RGMB: variants seen among roughly 807,000 people sequenced by gnomAD.
The protein encoded by RGMB is repulsive guidance molecule B.
RGMB carries 16 observed loss-of-function variants against 26.9 expected under a neutral mutation model. The observed-to-expected ratio is 0.60, with a 90% CI of 0.40 to 0.90. The LOEUF (loss-of-function observed/expected upper bound fraction) is 0.90. Ranked by LOEUF, RGMB falls within the 40% of genes least tolerant of loss-of-function variation. RGMB has a pLI of 0.00. For synonymous variants in RGMB, 225 were observed against 229.3 expected (o/e 0.98, Z 0.17); for missense variants, 512 against 573.3 (o/e 0.89, Z 1.09).
rs1235821172 is a variant in RGMB at position 98,773,899 on chromosome 5, G to A, written c.-172G>A. The A allele has an allele frequency of 7.6e-6, 4 of 526,078 alleles. No homozygotes were observed. The highest frequency in any genetic ancestry group is 4.2e-5 in the Admixed American group (1 of 23,910). The allele number at this position is 526,078 out of a possible 1,614,324, so 32.6% of individuals were successfully genotyped here. A position where few individuals can be genotyped will look rare whatever the true frequency, so the allele number is the denominator to read the frequency against. On this transcript the variant is annotated 5_prime_UTR_variant, in exon 1 of 3. Coordinates refer to ENST00000513185, the MANE Select transcript of RGMB (RefSeq NM_001366508.1). Reference sequence around the variant, plus strand: ...CCGCCGCGGACTGGCTGCGCCGGCTGCGCGCTGCTTGCTGCGGCGGTGGTG... The same window carrying A: ...CCGCCGCGGACTGGCTGCGCCGGCTACGCGCTGCTTGCTGCGGCGGTGGTG...
intron 1 of RGMB, among the ~76,000 whole-genome samples, chr5:98,774,679 A>G (rs1746335323): frequency 6.6e-6 from 1 of 152,198 alleles, no homozygotes. Flanking sequence ...CACCAGATGG[A>G]AAGATTTTTA....
chr5:98,774,245 C>T, intron 1 of RGMB, 39 bp downstream of exon 1: 1 of 1,362,150 alleles, frequency 7.3e-7, no homozygotes, highest in South Asian at 1.7e-5. Flanking sequence ...GCCCCGGGGC[C>T]TAGGGCTTTG....
At chr5:98,781,000 A>G (rs1225606719) in intron 2 of RGMB, 1 of 152,182 alleles carries the variant, frequency 6.6e-6, no homozygotes, top group Non-Finnish European at 1.5e-5. Context: ...CACATAGACC[A>G]TCTCATCTTA....
chr5:98,780,007 A>C lies in RGMB; in HGVS notation c.564A>C (p.Pro188=). The C allele has an allele frequency of 1.9e-6, 3 of 1,613,944 alleles. No individual in the cohort carries two copies. In the South Asian group the frequency reaches 3.3e-5, roughly 18 times the overall value. Residue 188 remains proline, a synonymous_variant, in exon 2 of 3, where the codon CCA becomes CCC. Transcript: ENST00000513185. ...CATGCAAAGTAGAAGGGGCCTGGCCACTCATAGATAATAATTATCTTTCAG... is the reference window on the plus strand; with the variant it reads ...CATGCAAAGTAGAAGGGGCCTGGCCCCTCATAGATAATAATTATCTTTCAG... ...FQTCKVEGAW[P]LIDNNYLSVQ... is the part of the protein sequence containing the mutation.
chr5:98,791,776 TATC>T (rs1746938400), intron 2 of RGMB, among the ~76,000 whole-genome samples: 2 of 152,168 alleles, frequency 1.3e-5, no homozygotes, highest in Admixed American at 1.3e-4. Context: ...GCCCCTGTCT[TATC>T]ATAGTTGTCT....
At chr5:98,773,204 A>C (rs1324847038), upstream of RGMB, 1 of 152,110 alleles carries the variant, frequency 6.6e-6, no homozygotes, top group Non-Finnish European at 1.5e-5. Context: ...GTGGAGCTGA[A>C]GCTGGCAGGG....
intron 1 of RGMB, among the ~76,000 whole-genome samples, chr5:98,776,914 C>T (rs754998015): frequency 6.6e-6 from 1 of 152,166 alleles, no homozygotes; most frequent in Non-Finnish European, 1.5e-5. Flanking sequence ...TGGAGAAACC[C>T]TGTCTCTACT....
chr5:98,789,382 A>T (rs1746856182), intron 2 of RGMB, among the ~76,000 whole-genome samples: 1 of 152,230 alleles, frequency 6.6e-6, no homozygotes, highest in African/African-American at 2.4e-5. Context: ...GCATTTTGCA[A>T]GGCTGCTGTG....
rs570060657 is a variant in RGMB at position 98,793,494 on chromosome 5, A to C, written c.1055A>C (p.Glu352Ala). 2.5e-6 allele frequency: 4 copies of C among 1,613,656 alleles called. No homozygotes were observed. Among genetic ancestry groups the C allele is most frequent in the Non-Finnish European group, 3.4e-6 (4 of 1,179,768 alleles). The change falls in exon 3 of 3, where the codon GAG becomes GCG. Residue 352 changes from glutamate to alanine, a missense_variant. By Grantham distance (107) the Glu-to-Ala change is moderately radical. Coordinates refer to ENST00000513185, the MANE Select transcript of RGMB (RefSeq NM_001366508.1). ...LVQAWPGYTLETANTQCHEKM... is the reference protein window; with the variant it reads ...LVQAWPGYTLATANTQCHEKM... ...CAGGCCTGGCCTGGCTACACACTGG[A>C]GACTGCCAACACTCAATGCCATGAG...
chr5:98,796,333 A>AGC lies in RGMB; in HGVS notation c.*2581_*2582dup. 3 of 96,480 alleles carry AGC rather than the reference A, an allele frequency of 3.1e-5. No homozygotes were observed. Among genetic ancestry groups the AGC allele is most frequent in the Non-Finnish European group, 6.1e-5 (3 of 49,550 alleles). The allele number at this position is 96,480 out of a possible 1,614,324, so 6.0% of individuals were successfully genotyped here. A position where few individuals can be genotyped will look rare whatever the true frequency, so the allele number is the denominator to read the frequency against. On this transcript the variant is annotated 3_prime_UTR_variant, in exon 3 of 3. Transcript: ENST00000513185. The stretch of plus-strand genomic sequence containing the variant: ...TTTTGTCCTCTTTGTTATGCTTGGA[A>AGC]GCTCCCCCCCCCCCAACAGTGTGTC...
chr5:98,782,548 C>G (rs1466217814), intron 2 of RGMB, among the ~76,000 whole-genome samples: 1 of 152,148 alleles, frequency 6.6e-6, no homozygotes, highest in African/African-American at 2.4e-5. Flanking sequence ...TGTTGGGTAA[C>G]CTAGTACTGT....
At chr5:98,769,035 G>A (rs995381825), upstream of RGMB, among the ~76,000 whole-genome samples, 1 of 152,204 alleles carries the variant, frequency 6.6e-6, no homozygotes, top group Non-Finnish European at 1.5e-5. Context: ...GCGGGTGGGC[G>A]AAGGCAGCGC....
rs962033526 is a variant in RGMB, at chr5:98,794,538, C to T, written c.*785C>T. On this transcript the variant is annotated 3_prime_UTR_variant, in exon 3 of 3. Coordinates refer to ENST00000513185, the MANE Select transcript of RGMB (RefSeq NM_001366508.1). ...TCTCAGTAACTCCTAGACTTTTTCT[C>T]ATCCCATGCCCCGTTTTAAATTGTC... 3.3e-5 allele frequency: 5 copies of T among 152,192 alleles called. No individual in the cohort carries two copies. Among genetic ancestry groups the T allele is most frequent in the African/African-American group, 1.2e-4 (5 of 41,456 alleles). The allele number at this position is 152,192 out of a possible 1,614,324, so 9.4% of individuals were successfully genotyped here.
chr5:98,772,229 C>T (rs191286527), upstream of RGMB, among the ~76,000 whole-genome samples: 116 of 152,156 alleles, frequency 7.6e-4, no homozygotes, highest in African/African-American at 2.7e-3. Flanking sequence ...GTGTGTTTAC[C>T]CCTTAAGTCA....
intron 2 of RGMB, among the ~76,000 whole-genome samples, chr5:98,790,849 A>G (rs1466727408): frequency 6.6e-6 from 1 of 152,232 alleles, no homozygotes; most frequent in Non-Finnish European, 1.5e-5. Context: ...TAGATGTTAC[A>G]GGTGAAAATG....
chr5:98,793,025 G>A (rs1023246895), intron 2 of RGMB, 60 bp from the exon 3 acceptor site: 4 of 1,388,578 alleles, frequency 2.9e-6, no homozygotes, highest in African/African-American at 1.4e-5. Context: ...TGCTACAGAG[G>A]GTTACCCCGT....
chr5:98,773,478 CG>C (rs1361539086), upstream of RGMB: 1 of 157,610 alleles, frequency 6.3e-6, no homozygotes, highest in Admixed American at 6.5e-5. Context: ...TTACACTGAG[CG>C]GGCGGGGGAG....
intron 1 of RGMB, among the ~76,000 whole-genome samples, chr5:98,777,418 A>G (rs773876059): frequency 6.6e-6 from 1 of 151,966 alleles, no homozygotes; most frequent in African/African-American, 2.4e-5. Flanking sequence ...ATTTTAAAAG[A>G]AAAAAAATGC....
At chr5:98,780,202 GA>G in intron 2 of RGMB, 114 bp downstream of exon 2, 1 of 921,312 alleles carries the variant, frequency 1.1e-6, no homozygotes. Context: ...AACTTCTTTT[GA>G]AAAGCAATTA....
Sources: gnomAD v4.1 joint callset for allele counts (sites outside exome capture counted in the v4.1 genomes callset) on GRCh38, gnomAD v4.1.1 for gene constraint, MANE v1.5 for transcripts, NCBI Gene and HGNC (gene_info 2026-07-23, HGNC 2026-07-21) for gene names.